Variants in SLCO5A1 observed in about 807,000 individuals in gnomAD.
SLCO5A1 encodes solute carrier organic anion transporter family member 5A1.
A neutral mutation model predicts 65.1 loss-of-function variants in SLCO5A1; 39 were observed. That is an observed-to-expected ratio of 0.60 (90% CI 0.46 to 0.78). SLCO5A1 has a LOEUF of 0.78. SLCO5A1 is among the 30% of genes least tolerant of loss of function. The pLI is 0.00. For missense variants in SLCO5A1, 1,029 were observed against 1,069.4 expected (o/e 0.96, Z 0.53); for synonymous variants, 438 against 415.7 (o/e 1.05, Z -0.65).
At chr8:69,743,783 A>C (rs1419868665) in intron 4 of SLCO5A1, among the ~76,000 whole-genome samples, 3 of 152,176 alleles carry the variant, frequency 2.0e-5, no homozygotes, top group Non-Finnish European at 4.4e-5. Flanking sequence ...GGTGCTATCT[A>C]CAGGCAACCC....
chr8:69,765,832 A>G (rs1818038310), intron 2 of SLCO5A1, among the ~76,000 whole-genome samples: 2 of 151,582 alleles, frequency 1.3e-5, no homozygotes. Flanking sequence ...GGCCTTTCCA[A>G]CTCTCTGGAT....
At chr8:69,696,674 G>T (rs770407679) in intron 6 of SLCO5A1, among the ~76,000 whole-genome samples, 9 of 152,164 alleles carry the variant, frequency 5.9e-5, no homozygotes, top group African/African-American at 2.2e-4. Context: ...GAAAAGACAC[G>T]ATCTGAGATA....
At chr8:69,821,255 A>G (rs1820624958) in intron 2 of SLCO5A1, among the ~76,000 whole-genome samples, 1 of 151,938 alleles carries the variant, frequency 6.6e-6, no homozygotes, top group South Asian at 2.1e-4. Context: ...GCTACTCGGG[A>G]AGCTGAGGCA....
Position 69,762,866 on chromosome 8 carries a change from A to G in SLCO5A1, c.908-991T>C, listed in dbSNP as rs143407465. Among the ~76,000 whole-genome samples the G allele has an allele frequency of 1.0e-2, 1,517 of 152,384 alleles. 10 individuals are homozygous for G. The highest frequency in any genetic ancestry group is 0.024 in the Middle Eastern group (7 of 294). On this transcript the variant is annotated intron_variant, in intron 2 of 9. Transcript: ENST00000260126. Reference sequence around the variant, plus strand: ...ATATGAATAAATCTACCTAAATGGCATGGGTCAAAAGTTCCAAATGGAAAG... The same window carrying G: ...ATATGAATAAATCTACCTAAATGGCGTGGGTCAAAAGTTCCAAATGGAAAG...
intron 4 of SLCO5A1, among the ~76,000 whole-genome samples, chr8:69,752,613 T>G (rs1356762173): frequency 1.3e-5 from 2 of 150,340 alleles, no homozygotes; most frequent in Non-Finnish European, 2.9e-5. Context: ...TTGAACATCA[T>G]TTTATATCAT....
chr8:69,731,719 A>G (rs990610476), intron 5 of SLCO5A1, among the ~76,000 whole-genome samples: 1 of 152,190 alleles, frequency 6.6e-6, no homozygotes, highest in African/African-American at 2.4e-5. Context: ...TTTTGTTCCT[A>G]ATAGCGTCTA....
At chr8:69,772,223 G>A (rs1221030080) in intron 2 of SLCO5A1, among the ~76,000 whole-genome samples, 1 of 152,078 alleles carries the variant, frequency 6.6e-6, no homozygotes, top group Non-Finnish European at 1.5e-5. Flanking sequence ...AACCTGCCTG[G>A]AAATCTATGC....
chr8:69,782,803 C>A (rs564636281), intron 2 of SLCO5A1, among the ~76,000 whole-genome samples: 75 of 152,146 alleles, frequency 4.9e-4, no homozygotes, highest in African/African-American at 1.8e-3. Flanking sequence ...GCCAAATGAC[C>A]CATCTAATAC....
intron 6 of SLCO5A1, among the ~76,000 whole-genome samples, chr8:69,701,404 G>T (rs1451150821): frequency 6.6e-6 from 1 of 152,068 alleles, no homozygotes; most frequent in Admixed American, 6.6e-5. Context: ...TGGGGAGTCT[G>T]GCATGACTCA....
chr8:69,678,123 T>C (rs1032248758), intron 8 of SLCO5A1, among the ~76,000 whole-genome samples: 3 of 152,148 alleles, frequency 2.0e-5, no homozygotes, highest in Admixed American at 6.5e-5. Context: ...AAGTTAAATA[T>C]TAAAAGCCAG....
At chr8:69,821,839 C>A (rs1047508690) in intron 2 of SLCO5A1, among the ~76,000 whole-genome samples, 59 of 142,710 alleles carry the variant, frequency 4.1e-4, no homozygotes, top group Non-Finnish European at 7.7e-4. Context: ...AAAAGAAAAA[C>A]AATATGGCCA....
At position 69,672,903 on chromosome 8, in the gene SLCO5A1, T is replaced by A. The variant is rs779922449; in HGVS notation, c.2513A>T (p.Glu838Val). ...AISSSADPGL[E>V]ESPAALEPPS ...CGGCTCCAAGGCAGCGGGGCTCTCT[T>A]CCAGCCCCGGGTCCGCAGAGGAACT... The change falls in exon 10 of 10, where the codon GAA becomes GTA. Residue 838 changes from glutamate (E) to valine (V), a missense_variant. This residue lies in a region of SLCO5A1 where 258 missense variants were observed against 237.4 expected (regional missense o/e 1.09). Coordinates refer to ENST00000260126, the MANE Select transcript of SLCO5A1 (RefSeq NM_030958.3). The A allele has an allele frequency of 1.1e-5, 18 of 1,613,474 alleles. No homozygotes were observed. Among genetic ancestry groups the A allele is most frequent in the Non-Finnish European group, 1.3e-5 (15 of 1,179,518 alleles).
At chr8:69,674,704 A>T (rs1311310587) in intron 9 of SLCO5A1, among the ~76,000 whole-genome samples, 1 of 152,060 alleles carries the variant, frequency 6.6e-6, no homozygotes, top group Non-Finnish European at 1.5e-5. Flanking sequence ...GGCATCAGAG[A>T]GGGGCAAAGC....
chr8:69,731,375 T>C lies in SLCO5A1; in HGVS notation c.1423+6665A>G, dbSNP rs185839838. 1.6e-3 allele frequency among the ~76,000 whole-genome samples: 248 copies of C among 152,368 alleles called. 1 individual carries two copies. Among genetic ancestry groups the C allele is most frequent in the Admixed American group, 8.9e-3 (137 of 15,308 alleles). On this transcript the variant is annotated intron_variant, in intron 5 of 9. Coordinates refer to ENST00000260126, the MANE Select transcript of SLCO5A1 (RefSeq NM_030958.3). Reference sequence around the variant, plus strand: ...TTTGCACCAACCTAATCATCTTTACTTTAATGCTGATGCCATGTAGTATCC... The same window carrying C: ...TTTGCACCAACCTAATCATCTTTACCTTAATGCTGATGCCATGTAGTATCC...
intron 2 of SLCO5A1, among the ~76,000 whole-genome samples, chr8:69,811,167 GC>G (rs1820189749): frequency 6.6e-6 from 1 of 152,144 alleles, no homozygotes; most frequent in Non-Finnish European, 1.5e-5. Flanking sequence ...ACCAGATCTT[GC>G]TGGTTGGAGA....
At chr8:69,776,710 G>GA (rs367767175) in intron 2 of SLCO5A1, among the ~76,000 whole-genome samples, 9 of 149,748 alleles carry the variant, frequency 6.0e-5, no homozygotes, top group South Asian at 2.1e-4. Context: ...ACCAACCAAA[G>GA]AAAAAAAAAT....
chr8:69,777,250 T>A lies in SLCO5A1; in HGVS notation c.908-15375A>T, dbSNP rs139961034. ...AATGAACTATTGATACTTGCTGAAA[T>A]GTGGAGAAATCTCATAATAATTATG... is the stretch of plus-strand genomic sequence containing the variant. On this transcript the variant is annotated intron_variant, in intron 2 of 9. Coordinates refer to ENST00000260126, the MANE Select transcript of SLCO5A1 (RefSeq NM_030958.3). Among the ~76,000 whole-genome samples, 297 of 152,254 alleles carry A rather than the reference T, an allele frequency of 2.0e-3. 1 individual carries two copies. Among genetic ancestry groups the A allele is most frequent in the African/African-American group, 6.7e-3 (280 of 41,554 alleles).
At chr8:69,747,148 T>C (rs10088829) in intron 4 of SLCO5A1, among the ~76,000 whole-genome samples, 18,894 of 152,184 alleles carry the variant, frequency 0.12, 2,109 homozygotes, top group African/African-American at 0.3. Flanking sequence ...GCTCCCCCTG[T>C]GGCCCTGCAT....
chr8:69,742,503 G>A (rs1162055056), intron 4 of SLCO5A1, among the ~76,000 whole-genome samples: 1 of 152,036 alleles, frequency 6.6e-6, no homozygotes, highest in Non-Finnish European at 1.5e-5. Flanking sequence ...AGTAAAGTAG[G>A]AATAAAATTC....
Sources: gnomAD v4.1 joint callset for allele counts (sites outside exome capture counted in the v4.1 genomes callset) on GRCh38, gnomAD v4.1.1 for gene constraint, gnomAD v4.1.1 regional missense constraint, MANE v1.5 for transcripts, NCBI Gene and HGNC (gene_info 2026-07-23, HGNC 2026-07-21) for gene names.